Variants in VTI1A observed in about 807,000 individuals in gnomAD.
VTI1A encodes the protein vesicle transport through interaction with t-SNAREs 1A, also known as vesicle transport through interaction with t-SNAREs homolog 1A.
Under a neutral mutation model 34.9 loss-of-function variants are expected in VTI1A, and 22 were observed. The ratio of observed to expected loss-of-function variants is 0.63; its 90% CI spans 0.45 to 0.90. The LOEUF (loss-of-function observed/expected upper bound fraction) is 0.90, where lower values mean the gene tolerates loss of function less well. Among genes scored for constraint, VTI1A ranks in the 40% least tolerant of loss-of-function variants. The pLI is 0.00. For synonymous variants in VTI1A, 87 were observed against 97.3 expected (o/e 0.89, Z 0.62); for missense variants, 268 against 275.6 (o/e 0.97, Z 0.20).
At chr10:112,833,133 C>T in the VTI1A span, among the ~76,000 whole-genome samples, 1 of 152,084 alleles carries the variant, frequency 6.6e-6, no homozygotes, top group Non-Finnish European at 1.5e-5. Flanking sequence ...AGGTCCTCTC[C>T]TTCCCCTCCC....
intron 7 of VTI1A, among the ~76,000 whole-genome samples, chr10:112,747,953 G>A (rs992688443): frequency 4.1e-4 from 62 of 152,174 alleles, no homozygotes; most frequent in African/African-American, 1.2e-3. Context: ...GGTCCTGGAC[G>A]TTGGACTCCT....
At chr10:112,519,248 C>G (rs747058188) in intron 3 of VTI1A, among the ~76,000 whole-genome samples, 8 of 152,098 alleles carry the variant, frequency 5.3e-5, no homozygotes, top group Non-Finnish European at 1.0e-4. Flanking sequence ...GCAAGCAGTT[C>G]TGAACACATC....
intron 5 of VTI1A, among the ~76,000 whole-genome samples, chr10:112,602,549 A>G (rs1165588129): frequency 6.6e-6 from 1 of 152,254 alleles, no homozygotes; most frequent in African/African-American, 2.4e-5. Context: ...GCCTTTTGAT[A>G]GCAAATTCTG....
intron 1 of VTI1A, among the ~76,000 whole-genome samples, chr10:112,452,298 C>T (rs560088520): frequency 5.3e-5 from 8 of 152,106 alleles, no homozygotes; most frequent in African/African-American, 9.7e-5. Context: ...GGGCCGGGCG[C>T]GGTGGCTCAC....
intron 5 of VTI1A, among the ~76,000 whole-genome samples, chr10:112,630,410 G>T (rs142072248): frequency 1.3e-3 from 196 of 152,266 alleles, no homozygotes; most frequent in African/African-American, 4.3e-3. Context: ...ACACTTGGGG[G>T]TGCTAGAACT....
intron 5 of VTI1A, among the ~76,000 whole-genome samples, chr10:112,546,853 A>G (rs1334826467): frequency 1.3e-5 from 2 of 152,174 alleles, no homozygotes; most frequent in African/African-American, 4.8e-5. Flanking sequence ...GATAGAGTGG[A>G]TTCTTTCCAT....
intron 7 of VTI1A, among the ~76,000 whole-genome samples, chr10:112,761,770 CTG>C (rs57330053): frequency 0.074 from 10,813 of 145,808 alleles, 721 homozygotes; most frequent in African/African-American, 0.18. Context: ...CTTTCTTTCT[CTG>C]TGTGTGTGTG....
intron 1 of VTI1A, among the ~76,000 whole-genome samples, chr10:112,451,106 C>G (rs756041734): frequency 1.4e-4 from 21 of 152,202 alleles, no homozygotes; most frequent in Admixed American, 2.6e-4. Flanking sequence ...GAAAGTATTA[C>G]AGCAAAATGA....
chr10:112,577,455 T>G (rs1440009886), intron 5 of VTI1A, among the ~76,000 whole-genome samples: 2 of 152,166 alleles, frequency 1.3e-5, no homozygotes, highest in Non-Finnish European at 2.9e-5. Context: ...CCAGGCACTC[T>G]TTGGTAAACA....
In VTI1A at chr10:112,695,880, G is replaced by A. The variant is rs7073824; in HGVS notation, c.560+26882G>A. 3.4e-3 allele frequency among the ~76,000 whole-genome samples: 515 copies of A among 152,206 alleles called. 4 individuals are homozygous for A. Among genetic ancestry groups the A allele is most frequent in the African/African-American group, 0.011 (446 of 41,522 alleles). On this transcript the variant is annotated intron_variant, in intron 7 of 7. Transcript: ENST00000393077. ...AGAAAGCAGAGGAGGTTAAAATTAT[G>A]TTTCTAATCATTTTTCCCGTCCTCT...
At chr10:112,686,580 A>T (rs941990537) in intron 7 of VTI1A, among the ~76,000 whole-genome samples, 1 of 152,182 alleles carries the variant, frequency 6.6e-6, no homozygotes, top group African/African-American at 2.4e-5. Context: ...ATGAATTCCG[A>T]CGTGCTAGTT....
At chr10:112,569,430 C>A (rs1852036303) in intron 5 of VTI1A, among the ~76,000 whole-genome samples, 1 of 152,150 alleles carries the variant, frequency 6.6e-6, no homozygotes, top group African/African-American at 2.4e-5. Context: ...TTCATTATCA[C>A]ATGCTAAAGA....
At chr10:112,544,867 C>T (rs763812360) in intron 5 of VTI1A, among the ~76,000 whole-genome samples, 13 of 152,014 alleles carry the variant, frequency 8.6e-5, no homozygotes, top group South Asian at 2.1e-4. Context: ...CCAGGGAGCA[C>T]GGGGCATGAT....
intron 7 of VTI1A, among the ~76,000 whole-genome samples, chr10:112,747,858 A>T (rs560441721): frequency 6.6e-6 from 1 of 152,262 alleles, no homozygotes; most frequent in African/African-American, 2.4e-5. Flanking sequence ...CAATTTCCCT[A>T]GGAAGTTTTT....
intron 5 of VTI1A, among the ~76,000 whole-genome samples, chr10:112,629,695 C>G (rs1846059735): frequency 6.6e-6 from 1 of 152,250 alleles, no homozygotes. Flanking sequence ...CTCTCCAGTT[C>G]TCAAAAGTGG....
chr10:112,447,481 C>T lies in VTI1A; in HGVS notation c.94+14C>T. On this transcript the variant is annotated intron_variant, in intron 1 of 7. Coordinates refer to ENST00000393077, the MANE Select transcript of VTI1A (RefSeq NM_145206.4). Reference sequence around the variant, plus strand: ...GACTCCCGCCTGGTGAGAGCCTTGCCCGGCTGGACGAGGGTGCTGGGGAGA... The same window carrying T: ...GACTCCCGCCTGGTGAGAGCCTTGCTCGGCTGGACGAGGGTGCTGGGGAGA... The T allele has an allele frequency of 6.2e-7, 1 of 1,612,262 alleles. No homozygotes were observed. Among genetic ancestry groups the T allele is most frequent in the Non-Finnish European group, 8.5e-7 (1 of 1,179,460 alleles).
chr10:112,489,127 C>T (rs956567685), intron 3 of VTI1A, among the ~76,000 whole-genome samples: 2 of 152,068 alleles, frequency 1.3e-5, no homozygotes, highest in Non-Finnish European at 2.9e-5. Context: ...CAGGTGGGGC[C>T]GAGACAGGGC....
At chr10:112,592,897 G>A (rs1337173813) in intron 5 of VTI1A, among the ~76,000 whole-genome samples, 3 of 152,216 alleles carry the variant, frequency 2.0e-5, no homozygotes, top group South Asian at 4.1e-4. Context: ...GTTCCATGAA[G>A]GAAAGTGATA....
chr10:112,765,165 T>C (rs748264893), intron 7 of VTI1A, among the ~76,000 whole-genome samples: 1 of 152,204 alleles, frequency 6.6e-6, no homozygotes, highest in African/African-American at 2.4e-5. Context: ...CCATTTCAAT[T>C]TCTTGCTTTG....
Sources: gnomAD v4.1 joint callset for allele counts (sites outside exome capture counted in the v4.1 genomes callset) on GRCh38, gnomAD v4.1.1 for gene constraint, MANE v1.5 for transcripts, NCBI Gene and HGNC (gene_info 2026-07-23, HGNC 2026-07-21) for gene names.